Variants in PCDH7 observed in about 807,000 individuals in gnomAD.
PCDH7 encodes protocadherin-7.
Under a neutral mutation model 58.9 loss-of-function variants are expected in PCDH7, and 17 were observed. That is an observed-to-expected ratio of 0.29 (90% CI 0.20 to 0.43). The LOEUF (loss-of-function observed/expected upper bound fraction) is 0.43. Among genes scored for constraint, PCDH7 ranks in the 20% least tolerant of loss-of-function variants. The pLI, the probability that PCDH7 is intolerant of heterozygous loss-of-function variation, is 1.00. For missense variants in PCDH7, 1,274 were observed against 1,441.0 expected (o/e 0.88, Z 1.88); for synonymous variants, 664 against 616.4 (o/e 1.08, Z -1.14).
intron 1 of PCDH7, among the ~76,000 whole-genome samples, chr4:30,853,761 C>G (rs1733086511): frequency 6.6e-6 from 1 of 151,478 alleles, no homozygotes; most frequent in South Asian, 2.1e-4. Context: ...CCTTTTTTTT[C>G]TGCTTAAAGT....
chr4:30,749,637 G>A (rs1178082518), intron 1 of PCDH7, among the ~76,000 whole-genome samples: 1 of 152,178 alleles, frequency 6.6e-6, no homozygotes, highest in Non-Finnish European at 1.5e-5. Flanking sequence ...GGAAGAAAAA[G>A]AGATAATAGA....
intron 3 of PCDH7, among the ~76,000 whole-genome samples, chr4:31,013,816 A>T (rs1753400041): frequency 1.3e-5 from 2 of 152,160 alleles, no homozygotes; most frequent in African/African-American, 4.8e-5. Context: ...ACATATAGAA[A>T]AATGAGATTT....
chr4:30,966,556 T>G (rs906660398), intron 3 of PCDH7, among the ~76,000 whole-genome samples: 2 of 152,116 alleles, frequency 1.3e-5, no homozygotes, highest in African/African-American at 4.8e-5. Flanking sequence ...AACACATTTT[T>G]ATTTTGGGGT....
At position 30,758,158 on chromosome 4, in the gene PCDH7, G is replaced by A. The variant is rs75538710; in HGVS notation, c.70+33562G>A. On this transcript the variant is annotated intron_variant, in intron 1 of 3. Transcript: ENST00000509759. ...AGAAAGGCCTTGATAAGAAGGTGAT[G>A]TTTGAGAAAGACCTAAACTGTAGGA... is the stretch of plus-strand genomic sequence containing the variant. 4.3e-3 allele frequency among the ~76,000 whole-genome samples: 661 copies of A among 152,262 alleles called. 4 individuals are homozygous for A. Among genetic ancestry groups the A allele is most frequent in the Non-Finnish European group, 3.9e-3 (267 of 68,036 alleles).
chr4:30,733,108 T>A (rs1028881456), downstream of PCDH7: 2 of 152,268 alleles, frequency 1.3e-5, no homozygotes, highest in Admixed American at 1.3e-4. Flanking sequence ...TCAGTGAGTC[T>A]CCTTTGTAAT....
intron 1 of PCDH7, among the ~76,000 whole-genome samples, chr4:30,845,494 T>C (rs932917753): frequency 9.9e-5 from 15 of 152,182 alleles, no homozygotes; most frequent in African/African-American, 3.6e-4. Context: ...ATTATACCAC[T>C]TACATTGTGG....
At chr4:31,133,277 T>G (rs574165632) in intron 3 of PCDH7, among the ~76,000 whole-genome samples, 5 of 152,318 alleles carry the variant, frequency 3.3e-5, no homozygotes, top group African/African-American at 4.8e-5. Flanking sequence ...CATGCAAAAT[T>G]TTGTGGGTAC....
intron 2 of PCDH7, among the ~76,000 whole-genome samples, chr4:30,946,616 G>A (rs527885887): frequency 6.6e-6 from 1 of 151,152 alleles, no homozygotes; most frequent in South Asian, 2.1e-4. Context: ...TCTCTCTCTT[G>A]TGAATAACAT....
chr4:31,080,427 A>G (rs2109267756), intron 3 of PCDH7, among the ~76,000 whole-genome samples: 1 of 152,298 alleles, frequency 6.6e-6, no homozygotes, highest in African/African-American at 2.4e-5. Context: ...TTGTATTTGT[A>G]CCTGTGATTA....
intron 3 of PCDH7, among the ~76,000 whole-genome samples, chr4:31,074,046 G>C (rs558705576): frequency 2.6e-4 from 40 of 151,620 alleles, no homozygotes; most frequent in African/African-American, 9.4e-4. Context: ...ATCCATGCTC[G>C]TCTTCCCCAA....
intron 1 of PCDH7, among the ~76,000 whole-genome samples, chr4:30,762,527 G>T (rs1720160840): frequency 6.6e-6 from 1 of 151,838 alleles, no homozygotes; most frequent in Admixed American, 6.6e-5. Context: ...ATTTATTTTA[G>T]TTCTAACTTG....
chr4:30,908,935 A>G (rs1741357544), intron 1 of PCDH7, among the ~76,000 whole-genome samples: 1 of 152,156 alleles, frequency 6.6e-6, no homozygotes. Context: ...TCCTCGATAA[A>G]ATACTGGCAA....
chr4:31,025,448 CTTG>C (rs542540733), intron 3 of PCDH7, among the ~76,000 whole-genome samples: 336 of 152,136 alleles, frequency 2.2e-3, no homozygotes, highest in African/African-American at 6.6e-3. Context: ...TTTTTCTTTT[CTTG>C]TTGTTCAGCT....
chr4:31,105,924 G>A (rs747511330), intron 3 of PCDH7, among the ~76,000 whole-genome samples: 5 of 151,510 alleles, frequency 3.3e-5, no homozygotes, highest in Non-Finnish European at 5.9e-5. Flanking sequence ...GGAGAATGGC[G>A]TGAACCCGGG....
chr4:30,832,933 C>CT (rs1343095475), intron 1 of PCDH7, among the ~76,000 whole-genome samples: 1 of 151,960 alleles, frequency 6.6e-6, no homozygotes, highest in East Asian at 1.9e-4. Flanking sequence ...AGAAGGCAGG[C>CT]TAATTGCACT....
chr4:30,742,855 C>T (rs1381588901), intron 1 of PCDH7, among the ~76,000 whole-genome samples: 1 of 152,190 alleles, frequency 6.6e-6, no homozygotes, highest in African/African-American at 2.4e-5. Flanking sequence ...CTAAAAGCCA[C>T]ATAACTTACC....
intron 1 of PCDH7, among the ~76,000 whole-genome samples, chr4:30,793,057 A>G (rs1245162356): frequency 6.6e-6 from 1 of 152,232 alleles, no homozygotes; most frequent in Non-Finnish European, 1.5e-5. Flanking sequence ...TATTAAGGAA[A>G]TAATCAAATT....
chr4:30,742,302 T>G (rs1454517272), intron 1 of PCDH7, among the ~76,000 whole-genome samples: 1 of 152,192 alleles, frequency 6.6e-6, no homozygotes, highest in African/African-American at 2.4e-5. Context: ...TGCTTACCAT[T>G]TCAAATATTA....
chr4:30,728,292 TATATAGAG>T (rs1299316623), intron 1 of PCDH7, among the ~76,000 whole-genome samples: 2,831 of 99,096 alleles, frequency 0.029, 95 homozygotes, highest in African/African-American at 0.092. Flanking sequence ...TATATATATA[TATATAGAG>T]AGAGAGAGAG....
Sources: gnomAD v4.1 joint callset for allele counts (sites outside exome capture counted in the v4.1 genomes callset) on GRCh38, gnomAD v4.1.1 for gene constraint, MANE v1.5 for transcripts, NCBI Gene and HGNC (gene_info 2026-07-23, HGNC 2026-07-21) for gene names.